The following ZFAND5 variants were observed in gnomAD, a reference collection of about 807,000 sequenced individuals.
ZFAND5 encodes the protein zinc finger AN1-type containing 5.
A neutral mutation model predicts 23.6 loss-of-function variants in ZFAND5; 4 were observed. That is an observed-to-expected ratio of 0.17 (90% confidence interval 0.08 to 0.39). ZFAND5 has a LOEUF of 0.39. Among genes scored for constraint, ZFAND5 ranks in the 10% least tolerant of loss-of-function variants. The pLI is 1.00. For synonymous variants in ZFAND5, 68 were observed against 80.6 expected, an observed-to-expected ratio of 0.84 and a Z score of 0.84; for missense variants, 161 against 253.7, an observed-to-expected ratio of 0.63 and a Z score of 2.48.
At chr9:72,363,189 G>C (rs925559537) in intron 2 of ZFAND5, among the ~76,000 whole-genome samples, 1 of 152,044 alleles carries the variant, frequency 6.6e-6, no homozygotes, top group South Asian at 2.1e-4. Context: ...GTTCCCATTA[G>C]GTATTGCATT....
intron 5 of ZFAND5, 151 bp from the exon 6 acceptor site, chr9:72,357,207 T>A (rs1841968847): frequency 2.9e-5 from 28 of 956,656 alleles, no homozygotes; most frequent in Non-Finnish European, 4.1e-5. Flanking sequence ...GAATCTTCCA[T>A]TTTAACATCA....
At position 72,360,116 on chromosome 9, in the gene ZFAND5, T is replaced by C; in HGVS notation, c.257A>G (p.Lys86Arg). 1 of 1,609,644 alleles carries C rather than the reference T, an allele frequency of 6.2e-7. No individual in the cohort carries two copies. The highest frequency in any genetic ancestry group is 2.2e-5 in the East Asian group (1 of 44,852). ...CTGAAACGTTCAATCTTACCTTGAT[T>C]TTTCAGATGTGCTGCCAGCAGCACC... The part of the protein sequence containing the change: ...CEGAAGSTSE[K>R]SRNVPVAALP... The change falls in exon 4 of 7, where the codon AAA (lysine) becomes AGA (arginine). Residue 86 changes from lysine (K) to arginine (R), a missense_variant. Around this residue, in one of 3 missense-constraint regions of ZFAND5, gnomAD observed 116 missense variants for 115.2 expected, o/e 1.01. Coordinates refer to ENST00000376962, the MANE Select transcript of ZFAND5 (RefSeq NM_001102420.3).
Position 72,363,609 on chromosome 9 carries a change from G to A in ZFAND5, c.-146-3C>T. 2 of 981,886 alleles carry A rather than the reference G, an allele frequency of 2.0e-6. No individual in the cohort carries two copies. Among genetic ancestry groups the A allele is most frequent in the Non-Finnish European group, 2.4e-6 (2 of 826,684 alleles). The allele number at this position is 981,886 out of a possible 1,614,324, so 60.8% of individuals were successfully genotyped here. On this transcript the variant is annotated splice_polypyrimidine_tract_variant and splice_region_variant and intron_variant, in intron 1 of 6. Coordinates refer to ENST00000376962, the MANE Select transcript of ZFAND5 (RefSeq NM_001102420.3). ...TTTTAAAGGCTCCTTTTCAGGGCCT[G>A]GGAGATAGAAAACAGGAGACAACTA...
Position 72,352,937 on chromosome 9 carries a change from A to C in ZFAND5, c.*3016T>G, listed in dbSNP as rs370594852. On this transcript the variant is annotated 3_prime_UTR_variant, in exon 7 of 7. Transcript: ENST00000376962. ...GGTTCCAGGGTCCCTCATCTTAATC[A>C]CTATGCCATAATGCTCAGAAACAGC... The C allele has an allele frequency of 6.6e-6, 1 of 152,210 alleles. No individual in the cohort carries two copies. The allele number at this position is 152,210 out of a possible 1,614,324, so 9.4% of individuals were successfully genotyped here.
At chr9:72,364,384 A>G in intron 1 of ZFAND5, 1 of 1,175,006 alleles carries the variant, frequency 8.5e-7, no homozygotes, top group Non-Finnish European at 1.1e-6. Flanking sequence ...CGTGGTGCCC[A>G]CGCCGGGCGC....
rs1025468636 is a variant in ZFAND5, at chr9:72,354,980, A to G, written c.*973T>C. The stretch of plus-strand genomic sequence containing the variant: ...TACCACTAAGAAGTCTACTGCAGCC[A>G]TGTTGGTTATGATTTTCCATGCAGA... On this transcript the variant is annotated 3_prime_UTR_variant, in exon 7 of 7. Transcript: ENST00000376962. 4 of 152,618 alleles carry G rather than the reference A, an allele frequency of 2.6e-5. No individual in the cohort carries two copies. Among genetic ancestry groups the G allele is most frequent in the African/African-American group, 9.7e-5 (4 of 41,446 alleles). The allele number at this position is 152,618 out of a possible 1,614,324, so 9.5% of individuals were successfully genotyped here.
rs772287429 is a variant in ZFAND5 at position 72,356,917 on chromosome 9, G to A, written c.493+14C>T. 3 of 1,609,922 alleles carry A rather than the reference G, an allele frequency of 1.9e-6. No homozygotes were observed. In the South Asian group the frequency reaches 3.3e-5, roughly 18 times the overall value. ...GCAGAAGTAAAACATACATTGTCTTGTGTTTTGTAATACCTGTAAGACCAA... is the reference window on the plus strand; with the variant it reads ...GCAGAAGTAAAACATACATTGTCTTATGTTTTGTAATACCTGTAAGACCAA... On this transcript the variant is annotated intron_variant, in intron 6 of 6. Transcript: ENST00000376962.
At position 72,358,040 on chromosome 9, in the gene ZFAND5, T is replaced by C. The variant is rs537597969; in HGVS notation, c.368-984A>G. On this transcript the variant is annotated intron_variant, in intron 5 of 6. Coordinates refer to ENST00000376962, the MANE Select transcript of ZFAND5 (RefSeq NM_001102420.3). ...AATGTAACAATAGCAAATTTATGTA[T>C]GCAATGCTGAAATTACTGCCCAAAT... Among the ~76,000 whole-genome samples the C allele has an allele frequency of 2.0e-5, 3 of 152,280 alleles. No individual in the cohort carries two copies. In the South Asian group the frequency reaches 6.2e-4, roughly 32 times the overall value.
At chr9:72,357,792 G>C (rs553585767) in intron 5 of ZFAND5, among the ~76,000 whole-genome samples, 2 of 152,154 alleles carry the variant, frequency 1.3e-5, no homozygotes, top group South Asian at 4.1e-4. Flanking sequence ...GACAGAGATA[G>C]CATCTACAAA....
At chr9:72,364,493 G>A (rs2859722) in intron 1 of ZFAND5, 3 of 1,282,014 alleles carry the variant, frequency 2.3e-6, no homozygotes, top group Non-Finnish European at 1.0e-6. Context: ...GACGCCGGGA[G>A]CCAGGTCTCG....
rs1564299123 is a variant in ZFAND5, at chr9:72,355,157, T to C, written c.*796A>G. 2 of 152,680 alleles carry C rather than the reference T, an allele frequency of 1.3e-5. No individual in the cohort carries two copies. Among genetic ancestry groups the C allele is most frequent in the African/African-American group, 4.8e-5 (2 of 41,472 alleles). The allele number at this position is 152,680 out of a possible 1,614,324, so 9.5% of individuals were successfully genotyped here. Reference sequence around the variant, plus strand: ...TGCATGTTATTCAATAGAGCTGCTGTATGTGAAAACCAAACGTAGAGTTTA... The same window carrying C: ...TGCATGTTATTCAATAGAGCTGCTGCATGTGAAAACCAAACGTAGAGTTTA... On this transcript the variant is annotated 3_prime_UTR_variant, in exon 7 of 7. Coordinates refer to ENST00000376962, the MANE Select transcript of ZFAND5 (RefSeq NM_001102420.3).
In ZFAND5 at chr9:72,351,799, A is replaced by C. The variant is rs547977122; in HGVS notation, c.*4154T>G. 9 of 152,198 alleles carry C rather than the reference A, an allele frequency of 5.9e-5. No homozygotes were observed. The highest frequency in any genetic ancestry group is 1.0e-4 in the Non-Finnish European group (7 of 68,024). 9.4% of individuals were successfully genotyped at this position (152,198 alleles called of 1,614,324 possible). ...CACTTGTTTTTAAAGCAGATTGTAC[A>C]AACAGGAGAAACAAACAGGGGAAAC... On this transcript the variant is annotated 3_prime_UTR_variant, in exon 7 of 7. Coordinates refer to ENST00000376962, the MANE Select transcript of ZFAND5 (RefSeq NM_001102420.3).
chr9:72,356,188 ATTT>A, intron 6 of ZFAND5, 87 bp from the exon 7 acceptor site: 2 of 1,486,114 alleles, frequency 1.3e-6, no homozygotes, highest in East Asian at 4.7e-5. Flanking sequence ...AAGGAACCAG[ATTT>A]TCATTGCTTT....
In ZFAND5 at chr9:72,359,537, CA is replaced by C; in HGVS notation, c.264-17del. 1 of 1,611,316 alleles carries C rather than the reference CA, an allele frequency of 6.2e-7. No individual in the cohort carries two copies. Among genetic ancestry groups the C allele is most frequent in the Non-Finnish European group, 8.5e-7 (1 of 1,178,524 alleles). ...AGGCACATTTCTATTTGAGTTCAAGCAAACAATTTTTAAAGGTGTTAAGGGT... is the reference window on the plus strand; with the variant it reads ...AGGCACATTTCTATTTGAGTTCAAGCAACAATTTTTAAAGGTGTTAAGGGT... On this transcript the variant is annotated splice_polypyrimidine_tract_variant and intron_variant, in intron 4 of 6. Transcript: ENST00000376962.
At chr9:72,363,369 A>G (rs1178614139) in intron 2 of ZFAND5, 101 bp downstream of exon 2, 1 of 152,538 alleles carries the variant, frequency 6.6e-6, no homozygotes, top group Non-Finnish European at 1.5e-5. Context: ...GTAACTGAAC[A>G]ATTCTCCAAT....
intron 3 of ZFAND5, 147 bp downstream of exon 3, chr9:72,360,481 A>G (rs1842067438): frequency 1.8e-6 from 2 of 1,084,334 alleles, no homozygotes; most frequent in Non-Finnish European, 2.7e-6. Context: ...CTGATCAGTC[A>G]TGTCAAGCAC....
intron 6 of ZFAND5, among the ~76,000 whole-genome samples, chr9:72,356,398 A>G (rs1363376732): frequency 1.3e-5 from 2 of 152,204 alleles, no homozygotes; most frequent in Admixed American, 6.5e-5. Flanking sequence ...CCACGTGGAG[A>G]AAACAAAATG....
chr9:72,359,378 T>C (rs748859008), intron 5 of ZFAND5, 40 bp downstream of exon 5: 8 of 1,597,278 alleles, frequency 5.0e-6, no homozygotes, highest in South Asian at 2.2e-5. Flanking sequence ...TCTTGCACTA[T>C]CAAATTCAGA....
At position 72,360,220 on chromosome 9, in the gene ZFAND5, T is replaced by A. The variant is rs2809270; in HGVS notation, c.153A>T (p.Gly51=). ...QQNSGRMSPM[G]TASGSNSPTS... is the part of the protein sequence containing the mutation. ...TAGGACTGTTGGAACCACTAGCTGT[T>A]CCTATTTAAAAAAAGGATTTGTAAG... Residue 51 remains glycine (G), a splice_region_variant and synonymous_variant, in exon 4 of 7, where the codon GGA becomes GGT. Coordinates refer to ENST00000376962, the MANE Select transcript of ZFAND5 (RefSeq NM_001102420.3). 6.2e-7 allele frequency: 1 copy of A among 1,608,362 alleles called. No individual in the cohort carries two copies. The highest frequency in any genetic ancestry group is 8.5e-7 in the Non-Finnish European group (1 of 1,177,970).
Sources: allele counts gnomAD v4.1 joint callset (sites outside exome capture counted in the v4.1 genomes callset), GRCh38; gene constraint gnomAD v4.1.1; regional missense constraint gnomAD v4.1.1; transcripts MANE v1.5; gene names NCBI Gene and HGNC (gene_info 2026-07-23, HGNC 2026-07-21).